Variants in CDH12 observed in about 807,000 individuals in gnomAD.
The protein encoded by CDH12 is cadherin-12.
In CDH12, 41 loss-of-function variants were observed where a neutral mutation model predicts 74.1. The observed-to-expected ratio is 0.55, with a 90% CI of 0.43 to 0.72. The LOEUF is 0.72. Among genes scored for constraint, CDH12 ranks in the 30% least tolerant of loss-of-function variants. The pLI is 0.00. For missense variants in CDH12, 945 were observed against 977.2 expected (o/e 0.97, Z 0.44); for synonymous variants, 399 against 355.0 (o/e 1.12, Z -1.39).
chr5:22,331,429 G>A (rs1165483607), intron 3 of CDH12, among the ~76,000 whole-genome samples: 1 of 152,132 alleles, frequency 6.6e-6, no homozygotes, highest in Non-Finnish European at 1.5e-5. Context: ...TCTCTGCCTG[G>A]TAATCCATGG....
chr5:22,478,227 G>A (rs1746245416), intron 2 of CDH12, among the ~76,000 whole-genome samples: 1 of 151,852 alleles, frequency 6.6e-6, no homozygotes, highest in South Asian at 2.1e-4. Flanking sequence ...GACCATCCTG[G>A]CTAACACCGT....
At chr5:22,529,588 C>T (rs752132692) in intron 1 of CDH12, among the ~76,000 whole-genome samples, 6 of 152,074 alleles carry the variant, frequency 3.9e-5, no homozygotes, top group Non-Finnish European at 8.8e-5. Context: ...ATGCAATTTG[C>T]TATACTCGGT....
intron 2 of CDH12, among the ~76,000 whole-genome samples, chr5:22,420,741 A>T (rs1743612491): frequency 6.6e-6 from 1 of 152,180 alleles, no homozygotes; most frequent in Non-Finnish European, 1.5e-5. Context: ...TGTCAATGGT[A>T]GTTTAATGGG....
intron 6 of CDH12, among the ~76,000 whole-genome samples, chr5:21,879,185 C>T (rs569561022): frequency 1.3e-5 from 2 of 152,052 alleles, no homozygotes; most frequent in African/African-American, 2.4e-5. Flanking sequence ...TGCATGTTCA[C>T]ACTATAAAAA....
chr5:22,110,424 C>T (rs2150259713), intron 4 of CDH12, among the ~76,000 whole-genome samples: 1 of 151,848 alleles, frequency 6.6e-6, no homozygotes, highest in South Asian at 2.1e-4. Flanking sequence ...TCAAATCAAT[C>T]TCCCCAAAGG....
chr5:22,189,463 T>C (rs971685628), intron 4 of CDH12, among the ~76,000 whole-genome samples: 1 of 152,112 alleles, frequency 6.6e-6, no homozygotes, highest in Non-Finnish European at 1.5e-5. Flanking sequence ...ATATATCAGA[T>C]GCTGAGATAT....
At chr5:22,008,998 T>A (rs981539832) in intron 5 of CDH12, among the ~76,000 whole-genome samples, 3 of 152,208 alleles carry the variant, frequency 2.0e-5, no homozygotes, top group African/African-American at 4.8e-5. Flanking sequence ...TTAGGGGTGC[T>A]AATCTAAGCT....
At chr5:21,865,805 T>G (rs1561253946) in intron 6 of CDH12, among the ~76,000 whole-genome samples, 1 of 152,098 alleles carries the variant, frequency 6.6e-6, no homozygotes, top group Non-Finnish European at 1.5e-5. Flanking sequence ...AAGGGCAAAC[T>G]CACCCCAGAC....
chr5:22,221,976 T>C (rs993269434), intron 3 of CDH12, among the ~76,000 whole-genome samples: 17 of 152,088 alleles, frequency 1.1e-4, no homozygotes, highest in African/African-American at 3.9e-4. Flanking sequence ...TTTTTATTTC[T>C]GAAGCTTGCC....
chr5:21,855,378 C>T (rs1406067295), intron 6 of CDH12, among the ~76,000 whole-genome samples: 1 of 151,456 alleles, frequency 6.6e-6, no homozygotes, highest in African/African-American at 2.4e-5. Flanking sequence ...AAGAAGACAC[C>T]ACAGTCAAAT....
intron 6 of CDH12, chr5:21,883,472 T>G: frequency 6.2e-7 from 1 of 1,612,626 alleles, no homozygotes; most frequent in Middle Eastern, 1.7e-4. Context: ...TAAAGGTTGG[T>G]CTTCAGGTTG....
chr5:22,708,748 G>A (rs1483231247), intron 1 of CDH12, among the ~76,000 whole-genome samples: 1 of 152,130 alleles, frequency 6.6e-6, no homozygotes, highest in East Asian at 1.9e-4. Flanking sequence ...CACAGATATT[G>A]AGGGTGAAAT....
At chr5:22,117,927 C>A (rs1745270326) in intron 4 of CDH12, among the ~76,000 whole-genome samples, 1 of 151,902 alleles carries the variant, frequency 6.6e-6, no homozygotes, top group South Asian at 2.1e-4. Context: ...AGATTAAGTG[C>A]TATCATTACT....
chr5:22,052,855 T>A (rs1309397717), intron 5 of CDH12, among the ~76,000 whole-genome samples: 2 of 152,128 alleles, frequency 1.3e-5, no homozygotes, highest in Non-Finnish European at 2.9e-5. Flanking sequence ...ATTAACAGCA[T>A]CAATTCCAAG....
In CDH12 at chr5:22,749,623, T is replaced by A. The variant is rs569958126; in HGVS notation, c.-523+103435A>T. ...AGAATACATGTAGTACCCCAGAGAC[T>A]CCAAATAGGGAAGGCAATGGTATTC... On this transcript the variant is annotated intron_variant, in intron 1 of 14. Coordinates refer to ENST00000382254, the MANE Select transcript of CDH12 (RefSeq NM_004061.5). Among the ~76,000 whole-genome samples, 4 of 152,292 alleles carry A rather than the reference T, an allele frequency of 2.6e-5. No individual in the cohort carries two copies. The South Asian group carries it at 8.3e-4, about 32-fold the overall frequency.
chr5:22,593,471 G>A (rs921549721), intron 1 of CDH12, among the ~76,000 whole-genome samples: 8 of 151,848 alleles, frequency 5.3e-5, no homozygotes, highest in African/African-American at 1.9e-4. Flanking sequence ...TCTTCTTTTT[G>A]TTACCTTTCA....
chr5:22,476,193 T>C (rs935246686), intron 2 of CDH12, among the ~76,000 whole-genome samples: 2 of 152,102 alleles, frequency 1.3e-5, no homozygotes, highest in East Asian at 3.9e-4. Context: ...TTCATTAACG[T>C]TGATATTAAT....
At chr5:22,664,617 T>C (rs760684465) in intron 1 of CDH12, among the ~76,000 whole-genome samples, 26 of 152,184 alleles carry the variant, frequency 1.7e-4, no homozygotes, top group Non-Finnish European at 2.6e-4. Flanking sequence ...AAGCAAATAC[T>C]GTATATTTCT....
chr5:21,847,907 T>C (rs867898769), intron 7 of CDH12, among the ~76,000 whole-genome samples: 1 of 152,160 alleles, frequency 6.6e-6, no homozygotes. Context: ...AAATTGAATG[T>C]ATGTTGCTGA....
Sources: gnomAD v4.1 joint callset for allele counts (sites outside exome capture counted in the v4.1 genomes callset) on GRCh38, gnomAD v4.1.1 for gene constraint, MANE v1.5 for transcripts, NCBI Gene and HGNC (gene_info 2026-07-23, HGNC 2026-07-21) for gene names.